Variants in ARHGAP40 observed in about 807,000 individuals in gnomAD.
ARHGAP40 encodes the protein Rho GTPase activating protein 40.
A neutral mutation model predicts 73.5 loss-of-function variants in ARHGAP40; 43 were observed. The observed-to-expected ratio is 0.58, with a 90% CI of 0.46 to 0.75. The LOEUF (loss-of-function observed/expected upper bound fraction) is 0.75, where lower values mean the gene tolerates loss of function less well. ARHGAP40 is among the 30% of genes least tolerant of loss of function. ARHGAP40 has a pLI of 0.00. For synonymous variants in ARHGAP40, 300 were observed against 352.8 expected, an observed-to-expected ratio of 0.85 and a Z score of 1.68; for missense variants, 734 against 861.8, an observed-to-expected ratio of 0.85 and a Z score of 1.86.
chr20:38,638,543 C>T, intron 7 of ARHGAP40, among the ~76,000 whole-genome samples: 1 of 152,134 alleles, frequency 6.6e-6, no homozygotes, highest in East Asian at 1.9e-4. Flanking sequence ...ATGATGATAA[C>T]AGTATCCTCC....
chr20:38,634,811 C>T, intron 6 of ARHGAP40, 26 bp downstream of exon 6: 4 of 1,248,060 alleles, frequency 3.2e-6, no homozygotes, highest in Non-Finnish European at 4.2e-6. Flanking sequence ...CCAGGGAAAG[C>T]CCTGTGGCCA....
intron 1 of ARHGAP40, among the ~76,000 whole-genome samples, chr20:38,612,646 G>A (rs2046463935): frequency 6.6e-6 from 1 of 151,770 alleles, no homozygotes; most frequent in Admixed American, 6.6e-5. Flanking sequence ...CTCCAACCTG[G>A]GCGAAAGAGT....
chr20:38,616,322 C>T (rs2088838743), intron 1 of ARHGAP40, among the ~76,000 whole-genome samples: 1 of 152,210 alleles, frequency 6.6e-6, no homozygotes, highest in Non-Finnish European at 1.5e-5. Flanking sequence ...TTCATTGCTC[C>T]ACAACATATC....
At chr20:38,638,955 G>A in intron 8 of ARHGAP40, 117 bp downstream of exon 8, 2 of 1,022,618 alleles carry the variant, frequency 2.0e-6, no homozygotes, top group South Asian at 1.4e-5. Flanking sequence ...TGGTCTCTGT[G>A]TGGGTCGAGG....
At chr20:38,636,533 G>T (rs770292038) in intron 6 of ARHGAP40, among the ~76,000 whole-genome samples, 1 of 152,130 alleles carries the variant, frequency 6.6e-6, no homozygotes, top group East Asian at 1.9e-4. Context: ...AAAGTGCTGG[G>T]GTTACAGGCA....
intron 10 of ARHGAP40, 94 bp downstream of exon 10, chr20:38,641,902 A>ATTC: frequency 1.0e-6 from 1 of 985,884 alleles, no homozygotes; most frequent in Non-Finnish European, 1.3e-6. Flanking sequence ...TCATTCATTC[A>ATTC]ACAACTCTGC....
chr20:38,623,503 G>C, exon 2 of ARHGAP40: 4 of 1,290,922 alleles, frequency 3.1e-6, no homozygotes, highest in Non-Finnish European at 4.0e-6. Context: ...AGATCCAACA[G>C]AGAGATGAGC....
intron 1 of ARHGAP40, among the ~76,000 whole-genome samples, chr20:38,605,853 A>G (rs1601130871): frequency 3.3e-5 from 5 of 152,268 alleles, no homozygotes; most frequent in Admixed American, 3.3e-4. Context: ...TCTTTATAAT[A>G]TCTTTTCCTG....
At chr20:38,617,795 T>C (rs2088851196) in intron 1 of ARHGAP40, among the ~76,000 whole-genome samples, 1 of 152,216 alleles carries the variant, frequency 6.6e-6, no homozygotes, top group Non-Finnish European at 1.5e-5. Flanking sequence ...GAATCTCAGA[T>C]AGGAAGAGTC....
chr20:38,627,742 C>T (rs2088911746), intron 3 of ARHGAP40, among the ~76,000 whole-genome samples: 2 of 151,230 alleles, frequency 1.3e-5, no homozygotes, highest in Admixed American at 1.3e-4. Flanking sequence ...GTATGTCTCC[C>T]TGCCTTCCAC....
At chr20:38,636,009 C>A (rs537644213) in intron 6 of ARHGAP40, among the ~76,000 whole-genome samples, 2 of 152,234 alleles carry the variant, frequency 1.3e-5, no homozygotes, top group African/African-American at 4.8e-5. Context: ...CTTATGGTGA[C>A]AGCAGAAGCT....
intron 9 of ARHGAP40, among the ~76,000 whole-genome samples, chr20:38,640,185 CTTCTT>C (rs2089008667): frequency 9.0e-6 from 1 of 111,180 alleles, no homozygotes; most frequent in Non-Finnish European, 1.9e-5. Context: ...TTCTTCTTTT[CTTCTT>C]TTCTTCTTTC....
rs779288510 is a variant in ARHGAP40 at position 38,634,724 on chromosome 20, G to A, written c.888G>A (p.Ala296=). The A allele has an allele frequency of 1.8e-5, 24 of 1,305,042 alleles. No individual in the cohort carries two copies. The South Asian group carries it at 2.3e-4, about 13-fold the overall frequency. 80.8% of individuals were successfully genotyped at this position (1,305,042 alleles called of 1,614,324 possible). A position where few individuals can be genotyped will look rare whatever the true frequency, so the allele number is the denominator to read the frequency against. ...CTCTGGCCCTCATAGAGCTGACCGC[G>A]CTCTGTGACATCCTCGGCTTGGACC... The change falls in exon 6 of 15, where the codon GCG becomes GCA. Residue 296 remains alanine, a synonymous_variant. Transcript: ENST00000373345.
rs564838315 is a variant in ARHGAP40, at chr20:38,614,905, G to A, written c.138-8454G>A. 49 of 1,352,096 alleles carry A rather than the reference G, an allele frequency of 3.6e-5. No homozygotes were observed. The African/African-American group carries it at 6.4e-4, about 18-fold the overall frequency. The allele number at this position is 1,352,096 out of a possible 1,614,324, so 83.8% of individuals were successfully genotyped here. ...TCCCCCAGCAAGCTGCCTGCACCAG[G>A]CCTTTCTCTAGAAGTCCTGAGACTG... is the stretch of plus-strand genomic sequence containing the variant. On this transcript the variant is annotated intron_variant, in intron 1 of 14. Coordinates refer to ENST00000373345, the Ensembl canonical transcript of ARHGAP40.
chr20:38,640,807 A>C (rs1211779034), intron 9 of ARHGAP40, among the ~76,000 whole-genome samples: 1 of 152,092 alleles, frequency 6.6e-6, no homozygotes, highest in Admixed American at 6.6e-5. Flanking sequence ...TCTGCCATTC[A>C]AGTTCCAGCT....
intron 2 of ARHGAP40, among the ~76,000 whole-genome samples, chr20:38,624,978 T>C (rs975282867): frequency 1.3e-5 from 2 of 152,210 alleles, no homozygotes; most frequent in African/African-American, 4.8e-5. Flanking sequence ...GCCAAGCACA[T>C]TCCCCTCCTC....
chr20:38,623,458 C>G, exon 2 of ARHGAP40: 4 of 1,290,942 alleles, frequency 3.1e-6, no homozygotes, highest in Non-Finnish European at 4.0e-6. Flanking sequence ...GAGTGGAGAG[C>G]TCCAGCATGG....
intron 1 of ARHGAP40, among the ~76,000 whole-genome samples, chr20:38,606,654 T>C (rs951948885): frequency 5.3e-5 from 8 of 152,226 alleles, no homozygotes; most frequent in African/African-American, 1.9e-4. Context: ...TTGAGTCTAG[T>C]GCACCAGCCA....
chr20:38,604,827 A>G (rs754569359), intron 1 of ARHGAP40, among the ~76,000 whole-genome samples: 1 of 152,122 alleles, frequency 6.6e-6, no homozygotes, highest in Non-Finnish European at 1.5e-5. Context: ...TTTGTCAACT[A>G]AAATTATCTT....
Sources: allele counts gnomAD v4.1 joint callset (sites outside exome capture counted in the v4.1 genomes callset), GRCh38; gene constraint gnomAD v4.1.1; transcripts MANE v1.5; gene names NCBI Gene and HGNC (gene_info 2026-07-23, HGNC 2026-07-21).